Variants in MTIF3 observed in about 807,000 individuals in gnomAD.
MTIF3 encodes the protein mitochondrial translational initiation factor 3, also known as translation initiation factor IF-3, mitochondrial.
MTIF3 carries 13 observed loss-of-function variants against 20.7 expected under a neutral mutation model. That is an observed-to-expected ratio of 0.63 (90% CI 0.41 to 1.00). MTIF3 has a LOEUF of 1.00. Among genes scored for constraint, MTIF3 ranks in the 50% least tolerant of loss-of-function variants. The pLI is 0.00. For synonymous variants in MTIF3, 114 were observed against 112.5 expected (o/e 1.01, Z -0.08); for missense variants, 295 against 324.5 (o/e 0.91, Z 0.70).
In MTIF3 at chr13:27,436,640, A is replaced by AT. The variant is rs1953766643; in HGVS notation, c.618+475dup. Among the ~76,000 whole-genome samples, 4 of 152,164 alleles carry AT rather than the reference A, an allele frequency of 2.6e-5. No individual in the cohort carries two copies. The South Asian group carries it at 8.3e-4, about 32-fold the overall frequency. ...GGCAAAATACGCTGTAATGGAAACT[A>AT]TATCTACAGTATGCTTAGTTTTGAA... On this transcript the variant is annotated intron_variant, in intron 4 of 4. Transcript: ENST00000381120.
Position 27,440,171 on chromosome 13 carries a change from T to C in MTIF3, c.278A>G (p.Lys93Arg), listed in dbSNP as rs1367097904. ...SQRVIHLFDE[K>R]GNDLGNMHRA... Reference sequence around the variant, plus strand: ...GTGCATGTTTCCCAAATCATTGCCCTTCTCATCAAATAAGTGAATAACTCG... The same window carrying C: ...GTGCATGTTTCCCAAATCATTGCCCCTCTCATCAAATAAGTGAATAACTCG... The change falls in exon 3 of 5, where the codon AAG becomes AGG. Residue 93 changes from lysine (K) to arginine (R), a missense_variant. By Grantham distance (26) the Lys-to-Arg change is conservative. Transcript: ENST00000381120. 1.9e-6 allele frequency: 3 copies of C among 1,614,248 alleles called. No individual in the cohort carries two copies. The highest frequency in any genetic ancestry group is 2.5e-6 in the Non-Finnish European group (3 of 1,180,048).
intron 2 of MTIF3, among the ~76,000 whole-genome samples, chr13:27,442,022 T>C (rs1464653213): frequency 1.3e-5 from 2 of 152,202 alleles, no homozygotes; most frequent in African/African-American, 4.8e-5. Flanking sequence ...CTCTAATTTA[T>C]AGCTCTGGTG....
chr13:27,446,764 T>C (rs1398104615), intron 1 of MTIF3, among the ~76,000 whole-genome samples: 1 of 152,234 alleles, frequency 6.6e-6, no homozygotes, highest in Non-Finnish European at 1.5e-5. Flanking sequence ...TTTTTTGTAA[T>C]GCATAGTGCC....
chr13:27,443,906 T>C (rs1425227841), intron 2 of MTIF3, among the ~76,000 whole-genome samples: 1 of 152,160 alleles, frequency 6.6e-6, no homozygotes, highest in Non-Finnish European at 1.5e-5. Flanking sequence ...ATAAATTTTA[T>C]TTACAAAATA....
chr13:27,438,235 C>T (rs1483882503), intron 3 of MTIF3, among the ~76,000 whole-genome samples: 1 of 150,280 alleles, frequency 6.7e-6, no homozygotes, highest in Non-Finnish European at 1.5e-5. Context: ...CGCCTATAAT[C>T]CCAGCACTTT....
intron 2 of MTIF3, among the ~76,000 whole-genome samples, chr13:27,442,640 C>T (rs894090663): frequency 6.6e-6 from 1 of 152,102 alleles, no homozygotes; most frequent in Non-Finnish European, 1.5e-5. Context: ...GTGAACACAC[C>T]CCTCCTCTGG....
rs535577082 is a variant in MTIF3, at chr13:27,435,737, C to T, written c.775G>A (p.Glu259Lys). The change falls in exon 5 of 5, where the codon GAA becomes AAA. Residue 259 changes from glutamate (E) to lysine (K), a missense_variant. Glu to Lys is a moderately conservative substitution (Grantham distance 56). Coordinates refer to ENST00000381120, the MANE Select transcript of MTIF3 (RefSeq NM_152912.5). The part of the protein sequence containing the change: ...KAYKETQETQ[E>K]RDTLNKDHGN... ...TGGTCTTTGTTCAAAGTGTCTCTTT[C>T]CTGGGTCTCTTGAGTTTCTTTATAT... 1.2e-6 allele frequency: 2 copies of T among 1,614,022 alleles called. No individual in the cohort carries two copies. Among genetic ancestry groups the T allele is most frequent in the Admixed American group, 1.7e-5 (1 of 60,024 alleles).
At chr13:27,445,865 TG>T (rs1464662051) in intron 1 of MTIF3, among the ~76,000 whole-genome samples, 1 of 151,486 alleles carries the variant, frequency 6.6e-6, no homozygotes, top group East Asian at 2.0e-4. Context: ...CAAATCCAGA[TG>T]GAACAAGACA....
intron 1 of MTIF3, among the ~76,000 whole-genome samples, chr13:27,445,988 T>C (rs59609755): frequency 0.031 from 4,700 of 152,066 alleles, 241 homozygotes; most frequent in African/African-American, 0.1. Context: ...AAAAGAAATG[T>C]TGGGAATGAG....
intron 3 of MTIF3, 141 bp downstream of exon 3, chr13:27,439,848 G>C: frequency 1.4e-6 from 1 of 716,102 alleles, no homozygotes; most frequent in South Asian, 1.9e-5. Context: ...AGGAAAGACA[G>C]ACACTGGGAA....
chr13:27,448,767 G>C (rs1246342973), intron 1 of MTIF3, among the ~76,000 whole-genome samples: 5 of 152,234 alleles, frequency 3.3e-5, no homozygotes, highest in Admixed American at 3.3e-4. Context: ...GCCGGGCACG[G>C]TGGCTCACGC....
chr13:27,438,992 GC>G (rs1953895260), intron 3 of MTIF3, among the ~76,000 whole-genome samples: 1 of 152,118 alleles, frequency 6.6e-6, no homozygotes. Flanking sequence ...GTCCCCGTGC[GC>G]CATCCATTGA....
chr13:27,444,105 C>T (rs1467790261), intron 2 of MTIF3, among the ~76,000 whole-genome samples: 2 of 152,060 alleles, frequency 1.3e-5, no homozygotes, highest in Non-Finnish European at 2.9e-5. Flanking sequence ...AGATCGAGAC[C>T]ATCCTGGCTA....
intron 1 of MTIF3, among the ~76,000 whole-genome samples, chr13:27,449,162 C>G (rs1158425722): frequency 1.3e-5 from 2 of 152,222 alleles, no homozygotes; most frequent in East Asian, 1.9e-4. Context: ...CTCCAAGACA[C>G]CTTTGACGCC....
chr13:27,440,785 TG>T (rs1268167575), intron 2 of MTIF3, among the ~76,000 whole-genome samples: 3 of 152,106 alleles, frequency 2.0e-5, no homozygotes, highest in African/African-American at 7.2e-5. Flanking sequence ...CTGAACAACT[TG>T]GGAGTTAGGG....
intron 4 of MTIF3, among the ~76,000 whole-genome samples, chr13:27,436,150 C>T (rs982149951): frequency 6.6e-6 from 1 of 152,172 alleles, no homozygotes; most frequent in African/African-American, 2.4e-5. Context: ...ACGTTTGGCT[C>T]AGCATTACCC....
At chr13:27,449,143 T>C (rs1340363941) in intron 1 of MTIF3, among the ~76,000 whole-genome samples, 1 of 152,184 alleles carries the variant, frequency 6.6e-6, no homozygotes, top group Non-Finnish European at 1.5e-5. Flanking sequence ...ATCCACAACC[T>C]CCAGTCACCT....
chr13:27,444,056 C>T (rs954626749), intron 2 of MTIF3, among the ~76,000 whole-genome samples: 3 of 152,266 alleles, frequency 2.0e-5, no homozygotes, highest in East Asian at 3.9e-4. Flanking sequence ...GTAACCCCAG[C>T]ACTTTGGGAG....
intron 2 of MTIF3, among the ~76,000 whole-genome samples, chr13:27,444,847 A>G (rs973716577): frequency 1.3e-5 from 2 of 152,192 alleles, no homozygotes; most frequent in Non-Finnish European, 2.9e-5. Flanking sequence ...GATTTCCATG[A>G]TGGTATTATG....
Sources: gnomAD v4.1 joint callset for allele counts (sites outside exome capture counted in the v4.1 genomes callset) on GRCh38, gnomAD v4.1.1 for gene constraint, MANE v1.5 for transcripts, NCBI Gene and HGNC (gene_info 2026-07-23, HGNC 2026-07-21) for gene names.